Variants in KSR2 observed in about 807,000 individuals in gnomAD.
KSR2 encodes kinase suppressor of ras 2.
Under a neutral mutation model 107.8 loss-of-function variants are expected in KSR2, and 25 were observed. The ratio of observed to expected loss-of-function variants is 0.23; its 90% CI spans 0.17 to 0.32. The LOEUF (loss-of-function observed/expected upper bound fraction) is 0.32, where lower values mean the gene tolerates loss of function less well. KSR2 is among the 10% of genes least tolerant of loss of function. KSR2 has a pLI of 1.00. For synonymous variants in KSR2, 480 were observed against 507.0 expected (o/e 0.95, Z 0.71); for missense variants, 887 against 1,268.9 (o/e 0.70, Z 4.57).
chr12:117,711,878 G>C (rs1305367532), intron 4 of KSR2, among the ~76,000 whole-genome samples: 1 of 152,202 alleles, frequency 6.6e-6, no homozygotes, highest in Non-Finnish European at 1.5e-5. Context: ...GCCATGAAGA[G>C]TTGCCCCAGA....
chr12:117,705,588 G>C (rs1886491532), intron 4 of KSR2, among the ~76,000 whole-genome samples: 1 of 152,202 alleles, frequency 6.6e-6, no homozygotes, highest in African/African-American at 2.4e-5. Flanking sequence ...ACATCGAACA[G>C]CTGAATGTGC....
chr12:117,674,295 T>C (rs1295659751), intron 4 of KSR2: 1 of 509,940 alleles, frequency 2.0e-6, no homozygotes, highest in Non-Finnish European at 3.9e-6. Context: ...GGGCTGCCGC[T>C]GCCTCCTCGC....
intron 10 of KSR2, among the ~76,000 whole-genome samples, chr12:117,532,969 C>G (rs1238227696): frequency 6.6e-6 from 1 of 152,158 alleles, no homozygotes; most frequent in East Asian, 1.9e-4. Context: ...AGTCTAGAAG[C>G]TGATCCTCTA....
intron 1 of KSR2, among the ~76,000 whole-genome samples, chr12:117,880,785 A>G (rs1358374098): frequency 7.4e-6 from 1 of 135,890 alleles, no homozygotes; most frequent in Admixed American, 8.2e-5. Flanking sequence ...CTCCCACCTC[A>G]GCCTCCCAAG....
intron 1 of KSR2, among the ~76,000 whole-genome samples, chr12:117,928,661 T>C (rs1895608698): frequency 6.6e-6 from 1 of 152,256 alleles, no homozygotes; most frequent in Admixed American, 6.5e-5. Context: ...GTCCTTGCTT[T>C]CAATTCTTTG....
chr12:117,597,101 T>C (rs1043009392), intron 5 of KSR2, among the ~76,000 whole-genome samples: 3 of 152,144 alleles, frequency 2.0e-5, no homozygotes, highest in African/African-American at 7.2e-5. Flanking sequence ...GTAGTAGTGG[T>C]GTGCAGCAGA....
chr12:117,507,510 A>G (rs1995357), intron 14 of KSR2, among the ~76,000 whole-genome samples: 90,101 of 152,068 alleles, frequency 0.59, 26,846 homozygotes, highest in East Asian at 0.77. Flanking sequence ...GATGGGGAAG[A>G]AAGAGGCCAA....
intron 3 of KSR2, among the ~76,000 whole-genome samples, chr12:117,770,849 C>T (rs1210557134): frequency 1.3e-5 from 2 of 151,386 alleles, no homozygotes; most frequent in East Asian, 1.9e-4. Context: ...TGGTGGCGGG[C>T]GCCTATAGTC....
chr12:117,892,729 T>C (rs984808160), intron 1 of KSR2, among the ~76,000 whole-genome samples: 2 of 144,888 alleles, frequency 1.4e-5, no homozygotes, highest in Admixed American at 7.2e-5. Flanking sequence ...CCCAAAAAGC[T>C]TAAAATATTT....
At chr12:117,530,714 G>A (rs74753387) in intron 12 of KSR2, among the ~76,000 whole-genome samples, 1,587 of 152,266 alleles carry the variant, frequency 0.01, 26 homozygotes, top group African/African-American at 0.036. Flanking sequence ...ATAGCTGCTC[G>A]TGAGGAACAG....
intron 3 of KSR2, among the ~76,000 whole-genome samples, chr12:117,833,281 C>T (rs1392617399): frequency 2.6e-5 from 4 of 152,188 alleles, no homozygotes; most frequent in African/African-American, 9.7e-5. Flanking sequence ...ACACTGTAAA[C>T]GTGGACCAAT....
At chr12:117,577,379 T>G in intron 7 of KSR2, among the ~76,000 whole-genome samples, 1 of 150,874 alleles carries the variant, frequency 6.6e-6, no homozygotes, top group Non-Finnish European at 1.5e-5. Context: ...GGGGGAGAGA[T>G]TGAGGCCAGA....
intron 14 of KSR2, among the ~76,000 whole-genome samples, chr12:117,499,923 G>C (rs1873279248): frequency 6.6e-6 from 1 of 152,168 alleles, no homozygotes; most frequent in Non-Finnish European, 1.5e-5. Flanking sequence ...CTGGGAGGAG[G>C]GCCTGTGTAA....
chr12:117,586,274 G>A (rs996975816), intron 5 of KSR2, among the ~76,000 whole-genome samples: 1 of 144,032 alleles, frequency 6.9e-6, no homozygotes, highest in Non-Finnish European at 1.5e-5. Context: ...AGGAGGAGAA[G>A]AAAGAAGAAA....
chr12:117,700,414 T>A (rs1188755164), intron 4 of KSR2, among the ~76,000 whole-genome samples: 1 of 152,134 alleles, frequency 6.6e-6, no homozygotes, highest in Non-Finnish European at 1.5e-5. Flanking sequence ...GAGGTCATTG[T>A]CCATCTACCA....
intron 17 of KSR2, among the ~76,000 whole-genome samples, chr12:117,474,371 G>T (rs944142106): frequency 6.6e-6 from 1 of 152,048 alleles, no homozygotes; most frequent in Non-Finnish European, 1.5e-5. Flanking sequence ...ATCCTCTAAA[G>T]GGGCCCAAGC....
chr12:117,727,968 A>G (rs572510997), intron 4 of KSR2, among the ~76,000 whole-genome samples: 144 of 152,358 alleles, frequency 9.5e-4, no homozygotes, highest in Admixed American at 2.4e-3. Context: ...ACAAAAGGGT[A>G]CACACTATAT....
chr12:117,937,939 A>G (rs370215668), intron 1 of KSR2, among the ~76,000 whole-genome samples: 2 of 148,550 alleles, frequency 1.3e-5, no homozygotes, highest in East Asian at 2.0e-4. Flanking sequence ...ACTGCACTCC[A>G]GCCTGAGCAA....
intron 5 of KSR2, among the ~76,000 whole-genome samples, chr12:117,666,567 G>A (rs960169419): frequency 4.6e-5 from 7 of 152,200 alleles, no homozygotes; most frequent in Non-Finnish European, 8.8e-5. Context: ...TAATCCATCT[G>A]CATGAGGGAT....
Sources: gnomAD v4.1 joint callset for allele counts (sites outside exome capture counted in the v4.1 genomes callset) on GRCh38, gnomAD v4.1.1 for gene constraint, MANE v1.5 for transcripts, NCBI Gene and HGNC (gene_info 2026-07-23, HGNC 2026-07-21) for gene names.